Variants in CACNA1E observed in about 807,000 individuals in gnomAD.
CACNA1E encodes calcium voltage-gated channel subunit alpha1 E.
A neutral mutation model predicts 259.2 loss-of-function variants in CACNA1E; 40 were observed. The ratio of observed to expected loss-of-function variants is 0.15; its 90% CI spans 0.12 to 0.20. The LOEUF (loss-of-function observed/expected upper bound fraction) is 0.20, where lower values mean the gene tolerates loss of function less well. Ranked by LOEUF, CACNA1E falls within the 10% of genes least tolerant of loss-of-function variation. CACNA1E has a pLI of 1.00. For synonymous variants in CACNA1E, 1,104 were observed against 1,138.5 expected, an observed-to-expected ratio of 0.97 and a Z score of 0.61; for missense variants, 1,874 against 3,040.1, an observed-to-expected ratio of 0.62 and a Z score of 9.02.
chr1:181,460,545 A>G (rs1661732890), intron 2 of CACNA1E, among the ~76,000 whole-genome samples: 1 of 152,242 alleles, frequency 6.6e-6, no homozygotes, highest in Non-Finnish European at 1.5e-5. Context: ...CCTGTTGAAC[A>G]TAGAGAGACT....
chr1:181,697,592 C>T (rs528134151), intron 7 of CACNA1E, among the ~76,000 whole-genome samples: 11 of 152,304 alleles, frequency 7.2e-5, no homozygotes, highest in Non-Finnish European at 1.2e-4. Context: ...CTAAACATTA[C>T]CAGTCTACTG....
intron 2 of CACNA1E, among the ~76,000 whole-genome samples, chr1:181,450,015 G>A (rs1661050253): frequency 6.6e-6 from 1 of 152,180 alleles, no homozygotes; most frequent in Admixed American, 6.5e-5. Context: ...TCACAGTTCT[G>A]CAGGCTATAC....
At chr1:181,428,796 C>T (rs948107133) in intron 2 of CACNA1E, among the ~76,000 whole-genome samples, 1 of 152,126 alleles carries the variant, frequency 6.6e-6, no homozygotes, top group African/African-American at 2.4e-5. Context: ...AACCCATGGC[C>T]CTCTTTCATA....
chr1:181,620,486 T>C (rs1311250692), intron 6 of CACNA1E, among the ~76,000 whole-genome samples: 2 of 152,182 alleles, frequency 1.3e-5, no homozygotes, highest in Non-Finnish European at 2.9e-5. Context: ...GAGACTTAGG[T>C]AGAGTTGACC....
intron 2 of CACNA1E, among the ~76,000 whole-genome samples, chr1:181,417,143 A>G (rs73046143): frequency 6.6e-6 from 1 of 151,870 alleles, no homozygotes; most frequent in Non-Finnish European, 1.5e-5. Context: ...AGTTCCCAAG[A>G]TTCTTTAATC....
At chr1:181,774,216 C>T (rs559905423) in intron 37 of CACNA1E, among the ~76,000 whole-genome samples, 2 of 152,232 alleles carry the variant, frequency 1.3e-5, no homozygotes, top group African/African-American at 4.8e-5. Flanking sequence ...AAGGCAGTAA[C>T]AGTGCTAACA....
At chr1:181,438,849 G>A (rs1660258680) in intron 2 of CACNA1E, among the ~76,000 whole-genome samples, 1 of 152,208 alleles carries the variant, frequency 6.6e-6, no homozygotes, top group East Asian at 1.9e-4. Context: ...ATTCTGAAAA[G>A]ATGTGTACAA....
At chr1:181,486,051 C>G (rs1223204926) in intron 1 of CACNA1E, among the ~76,000 whole-genome samples, 1 of 152,268 alleles carries the variant, frequency 6.6e-6, no homozygotes, top group African/African-American at 2.4e-5. Flanking sequence ...ACCACGTGGT[C>G]ACCTTTTTTC....
At chr1:181,337,313 G>A (rs1009497612) in intron 1 of CACNA1E, among the ~76,000 whole-genome samples, 5 of 144,448 alleles carry the variant, frequency 3.5e-5, no homozygotes, top group Non-Finnish European at 6.2e-5. Context: ...CCGCCACCAC[G>A]CCTGGCTAAT....
chr1:181,690,389 T>C (rs1051707908), intron 7 of CACNA1E, among the ~76,000 whole-genome samples: 27 of 152,210 alleles, frequency 1.8e-4, no homozygotes, highest in African/African-American at 6.3e-4. Flanking sequence ...CCTTATAGTA[T>C]AGTTTGAAGT....
At chr1:181,578,997 G>A (rs1651253685) in intron 4 of CACNA1E, 75 bp from the exon 5 acceptor site, 1 of 1,246,680 alleles carries the variant, frequency 8.0e-7, no homozygotes, top group Non-Finnish European at 1.1e-6. Context: ...ACCAATGAGG[G>A]AATGAAACTA....
At chr1:181,482,067 C>T (rs1663301833), upstream of CACNA1E, among the ~76,000 whole-genome samples, 1 of 152,216 alleles carries the variant, frequency 6.6e-6, no homozygotes, top group Admixed American at 6.5e-5. Flanking sequence ...GCCAGCACCA[C>T]CAGCAGAGTG....
chr1:181,649,546 A>T lies in CACNA1E; in HGVS notation c.952-1792A>T, dbSNP rs114033662. Among the ~76,000 whole-genome samples, 336 of 152,342 alleles carry T rather than the reference A, an allele frequency of 2.2e-3. 1 individual carries two copies. The highest frequency in any genetic ancestry group is 3.9e-3 in the Non-Finnish European group (268 of 68,032). Reference sequence around the variant, plus strand: ...ATAAATCATTCGGTTATAAAAACACATGCATGCATATGCTCATTGCAGCAC... The same window carrying T: ...ATAAATCATTCGGTTATAAAAACACTTGCATGCATATGCTCATTGCAGCAC... On this transcript the variant is annotated intron_variant, in intron 6 of 47. Transcript: ENST00000367573.
At chr1:181,341,292 G>A (rs1015479570) in intron 1 of CACNA1E, among the ~76,000 whole-genome samples, 3 of 152,194 alleles carry the variant, frequency 2.0e-5, no homozygotes, top group African/African-American at 4.8e-5. Context: ...CTGAGGTCTG[G>A]TGCTGGCTTC....
At chr1:181,727,712 G>T (rs937869476) in intron 18 of CACNA1E, among the ~76,000 whole-genome samples, 1 of 152,196 alleles carries the variant, frequency 6.6e-6, no homozygotes, top group East Asian at 1.9e-4. Context: ...ATCGGGGCCT[G>T]CATGAGGACT....
At chr1:181,579,334 G>T in intron 5 of CACNA1E, 110 bp downstream of exon 5, 1 of 858,560 alleles carries the variant, frequency 1.2e-6, no homozygotes, top group Non-Finnish European at 1.8e-6. Context: ...TTCTGACCCT[G>T]GAATTAGAAT....
chr1:181,475,206 A>C (rs1371211836), intron 2 of CACNA1E, among the ~76,000 whole-genome samples: 4 of 152,220 alleles, frequency 2.6e-5, no homozygotes, highest in African/African-American at 9.6e-5. Context: ...AGGATAACAT[A>C]ATGCAGGCAC....
intron 6 of CACNA1E, among the ~76,000 whole-genome samples, chr1:181,650,625 T>G (rs753054426): frequency 6.6e-6 from 1 of 152,234 alleles, no homozygotes; most frequent in Non-Finnish European, 1.5e-5. Flanking sequence ...TCATGAGATA[T>G]AATTCTTCCT....
chr1:181,693,285 C>T (rs1651384770), intron 7 of CACNA1E, among the ~76,000 whole-genome samples: 2 of 152,040 alleles, frequency 1.3e-5, no homozygotes, highest in Non-Finnish European at 2.9e-5. Flanking sequence ...GCATTCGACC[C>T]AGCAATCCCA....
Sources: gnomAD v4.1 joint callset for allele counts (sites outside exome capture counted in the v4.1 genomes callset) on GRCh38, gnomAD v4.1.1 for gene constraint, MANE v1.5 for transcripts, NCBI Gene and HGNC (gene_info 2026-07-23, HGNC 2026-07-21) for gene names.